Variants in FMO3 observed in about 807,000 individuals in gnomAD.
FMO3 encodes flavin-containing monooxygenase 3.
FMO3 carries 40 observed loss-of-function variants against 39.4 expected under a neutral mutation model. That is an observed-to-expected ratio of 1.02 (90% CI 0.79 to 1.32). The LOEUF is 1.32. FMO3 is among the 40% of genes most tolerant of loss of function. The probability of loss-of-function intolerance (pLI) is 0.00; values close to 1 mark genes in which losing one functional copy is unlikely to be tolerated. For missense variants in FMO3, 680 were observed against 651.8 expected, an observed-to-expected ratio of 1.04 and a Z score of -0.47; for synonymous variants, 219 against 228.8, an observed-to-expected ratio of 0.96 and a Z score of 0.39.
In FMO3 at chr1:171,103,877, C is replaced by T. The variant is rs141235954; in HGVS notation, c.225C>T (p.Pro75=). ...TGTGTTTCCCAGACTTCCCATTTCC[C>T]GATGACTTCCCCAACTTTATGCACA... is the stretch of plus-strand genomic sequence containing the variant. ...EMMCFPDFPF[P]DDFPNFMHNS... is the part of the protein sequence containing the mutation. Residue 75 remains proline (P), a synonymous_variant, in exon 3 of 9, where the codon CCC becomes CCT. Coordinates refer to ENST00000367755, the MANE Select transcript of FMO3 (RefSeq NM_001002294.3). 1.0e-4 allele frequency: 166 copies of T among 1,613,614 alleles called. No homozygotes were observed. The highest frequency in any genetic ancestry group is 4.9e-4 in the Middle Eastern group (3 of 6,084).
chr1:171,101,163 G>A (rs1022214078), intron 2 of FMO3: 18 of 456,076 alleles, frequency 3.9e-5, no homozygotes, highest in East Asian at 6.9e-5. Context: ...AGCCAGAAGC[G>A]GCAAGGAATG....
intron 2 of FMO3, among the ~76,000 whole-genome samples, chr1:171,103,304 T>C (rs900822834): frequency 1.3e-5 from 2 of 152,168 alleles, no homozygotes; most frequent in Non-Finnish European, 2.9e-5. Flanking sequence ...ATATCCTAAG[T>C]TCCCTTAGTA....
rs28745583 is a variant in FMO3 at position 171,094,397 on chromosome 1, G to C, written c.132+1607G>C. Among the ~76,000 whole-genome samples, 281 of 151,944 alleles carry C rather than the reference G, an allele frequency of 1.8e-3. 3 individuals are homozygous for C. The highest frequency in any genetic ancestry group is 6.6e-3 in the African/African-American group (274 of 41,436). On this transcript the variant is annotated intron_variant, in intron 2 of 8. Transcript: ENST00000367755. ...GTTGAATGCATAGCTTGCAAATATTGTCTCCCATTCTGAAGGTAGTCTGTT... is the reference window on the plus strand; with the variant it reads ...GTTGAATGCATAGCTTGCAAATATTCTCTCCCATTCTGAAGGTAGTCTGTT...
intron 8 of FMO3, among the ~76,000 whole-genome samples, 197 bp from the exon 9 acceptor site, chr1:171,116,903 C>G (rs1248132545): frequency 6.6e-6 from 1 of 152,038 alleles, no homozygotes; most frequent in Non-Finnish European, 1.5e-5. Context: ...AAAAAAACCA[C>G]AAAGTAGGAT....
chr1:171,112,958 A>C (rs1022512057), intron 6 of FMO3, among the ~76,000 whole-genome samples: 5 of 152,196 alleles, frequency 3.3e-5, no homozygotes, highest in Non-Finnish European at 5.9e-5. Flanking sequence ...ACCTGGAAAC[A>C]AAATGAATAC....
rs768838544 is a variant in FMO3 at position 171,092,690 on chromosome 1, G to C, written c.32G>C (p.Gly11Ala). 1.9e-6 allele frequency: 3 copies of C among 1,614,158 alleles called. No individual in the cohort carries two copies. Among genetic ancestry groups the C allele is most frequent in the Non-Finnish European group, 2.5e-6 (3 of 1,180,014 alleles). MGKKVAIIGA[G>A]VSGLASIRSC... ...AAGAAAGTGGCCATCATTGGAGCTG[G>C]TGTGAGTGGCTTGGCCTCCATCAGG... is the stretch of plus-strand genomic sequence containing the variant. Residue 11 changes from glycine to alanine, a missense_variant, in exon 2 of 9, where the codon GGT (glycine) becomes GCT (alanine). By Grantham distance (60) the Gly-to-Ala change is moderately conservative. Transcript: ENST00000367755.
At chr1:171,100,830 C>A in intron 2 of FMO3, 4 of 259,094 alleles carry the variant, frequency 1.5e-5, no homozygotes, top group Non-Finnish European at 3.1e-5. Flanking sequence ...ATCCAAATTC[C>A]TGGAACCTGT....
chr1:171,101,296 A>T, intron 2 of FMO3: 1 of 442,450 alleles, frequency 2.3e-6, no homozygotes. Context: ...ATTTTAAGCC[A>T]TTAACTTTGT....
chr1:171,095,179 C>T (rs889203154), intron 2 of FMO3, among the ~76,000 whole-genome samples: 1 of 152,108 alleles, frequency 6.6e-6, no homozygotes, highest in Admixed American at 6.6e-5. Flanking sequence ...TTGTTGTTGG[C>T]TTTTCCCATT....
intron 2 of FMO3, among the ~76,000 whole-genome samples, chr1:171,098,634 T>C (rs900779121): frequency 3.6e-4 from 55 of 152,206 alleles, no homozygotes; most frequent in African/African-American, 1.3e-3. Flanking sequence ...TTTTGCACAC[T>C]GATTTTCTAT....
chr1:171,096,436 C>T (rs188347521), intron 2 of FMO3, among the ~76,000 whole-genome samples: 4,699 of 94,524 alleles, frequency 0.05, 235 homozygotes, highest in East Asian at 0.13. Context: ...ATATATATTA[C>T]ATATTTTATA....
intron 7 of FMO3, 68 bp downstream of exon 7, chr1:171,114,430 G>A: frequency 1.7e-6 from 2 of 1,172,514 alleles, no homozygotes; most frequent in South Asian, 1.3e-5. Context: ...GGATCTTTGT[G>A]AAAACAATAA....
chr1:171,114,749 G>T (rs755888463), intron 7 of FMO3, among the ~76,000 whole-genome samples: 2 of 152,108 alleles, frequency 1.3e-5, no homozygotes, highest in Admixed American at 1.3e-4. Context: ...ATATGTTTAC[G>T]AGCCAACATC....
intron 2 of FMO3, 41 bp downstream of exon 2, chr1:171,092,831 G>T: frequency 6.2e-7 from 1 of 1,610,192 alleles, no homozygotes; most frequent in Non-Finnish European, 8.5e-7. Context: ...AAATAGGTTG[G>T]GAAGTGTATA....
intron 6 of FMO3, among the ~76,000 whole-genome samples, chr1:171,111,445 C>A (rs764992050): frequency 6.6e-6 from 1 of 152,136 alleles, no homozygotes; most frequent in Non-Finnish European, 1.5e-5. Flanking sequence ...TCAAAACAAA[C>A]CCAGATCTGC....
chr1:171,107,659 T>G lies in FMO3; in HGVS notation c.322-16T>G. 1 of 1,610,106 alleles carries G rather than the reference T, an allele frequency of 6.2e-7. No individual in the cohort carries two copies. Among genetic ancestry groups the G allele is most frequent in the Non-Finnish European group, 8.5e-7 (1 of 1,176,516 alleles). On this transcript the variant is annotated splice_polypyrimidine_tract_variant and intron_variant, in intron 3 of 8. Coordinates refer to ENST00000367755, the MANE Select transcript of FMO3 (RefSeq NM_001002294.3). ...CTAGCATAGAAAAGAGGGATTTCTT[T>G]CTGTATTTCTCTTAGACATTTGTAT... is the stretch of plus-strand genomic sequence containing the variant.
chr1:171,103,661 C>G, intron 2 of FMO3, 124 bp from the exon 3 acceptor site: 1 of 805,110 alleles, frequency 1.2e-6, no homozygotes, highest in East Asian at 2.4e-5. Context: ...ATTTTGGTAA[C>G]CACGGAGGTC....
At chr1:171,116,170 A>T (rs760156586) in intron 7 of FMO3, 38 bp from the exon 8 acceptor site, 45 of 1,266,256 alleles carry the variant, frequency 3.6e-5, no homozygotes, top group Non-Finnish European at 6.9e-6. Context: ...CCTATGCCAG[A>T]CTCATTAATT....
At chr1:171,096,376 TTA>T (rs202101794) in intron 2 of FMO3, among the ~76,000 whole-genome samples, 27,739 of 95,618 alleles carry the variant, frequency 0.29, 4,571 homozygotes, top group African/African-American at 0.43. Context: ...TATATTATAA[TTA>T]TATATATGTT....
Sources: allele counts gnomAD v4.1 joint callset (sites outside exome capture counted in the v4.1 genomes callset), GRCh38; gene constraint gnomAD v4.1.1; transcripts MANE v1.5; gene names NCBI Gene and HGNC (gene_info 2026-07-23, HGNC 2026-07-21).